NFIA: variants seen among roughly 807,000 people sequenced by gnomAD.
NFIA encodes the protein nuclear factor I A.
Under a neutral mutation model 62.8 loss-of-function variants are expected in NFIA, and 8 were observed. The observed-to-expected ratio is 0.13, with a 90% CI of 0.07 to 0.23. NFIA has a LOEUF of 0.23. Ranked by LOEUF, NFIA falls within the 10% of genes least tolerant of loss-of-function variation. The pLI is 1.00. For missense variants in NFIA, 410 were observed against 642.1 expected (o/e 0.64, Z 3.91); for synonymous variants, 235 against 238.1 (o/e 0.99, Z 0.12).
chr1:61,324,173 T>G (rs1660815846), intron 3 of NFIA, among the ~76,000 whole-genome samples: 1 of 152,166 alleles, frequency 6.6e-6, no homozygotes, highest in Non-Finnish European at 1.5e-5. Flanking sequence ...AAACTTTTCT[T>G]TAGAAGGATG....
chr1:61,088,689 G>A lies in NFIA; in HGVS notation c.559+9G>A, dbSNP rs747357885. 2.5e-6 allele frequency: 4 copies of A among 1,601,250 alleles called. No individual in the cohort carries two copies. Among genetic ancestry groups the A allele is most frequent in the South Asian group, 1.1e-5 (1 of 90,312 alleles). ...CTTTGTGCATGCAGCAGGTAAGTGC[G>A]ATGGTGAGAATTCCTCCCACTTTCT... On this transcript the variant is annotated intron_variant, in intron 2 of 10. Transcript: ENST00000403491. The surrounding 1 kb of genome is among the most constrained non-coding windows in gnomAD (Gnocchi z 4.5).
chr1:61,353,719 A>G (rs1662677410), intron 5 of NFIA, among the ~76,000 whole-genome samples: 1 of 152,224 alleles, frequency 6.6e-6, no homozygotes, highest in Admixed American at 6.5e-5. Flanking sequence ...AATACCTTGA[A>G]GACAGTTAAA....
At chr1:61,398,762 T>C (rs1158796131) in intron 7 of NFIA, among the ~76,000 whole-genome samples, 1 of 152,192 alleles carries the variant, frequency 6.6e-6, no homozygotes, top group Admixed American at 6.5e-5. Context: ...AATAAATCCC[T>C]TAACTCCAAA....
Position 61,406,574 on chromosome 1 carries a change from A to T in NFIA, c.1267A>T (p.Ser423Cys). ...QVGFLNPNGS[S>C]QGKVHNPFLP... The stretch of plus-strand genomic sequence containing the variant: ...CCCCCCCCCACAGCCCAATGGGAGC[A>T]GCCAAGGCAAGGTGCACAACCCATT... The change falls in exon 9 of 11, where the codon AGC becomes TGC. Residue 423 changes from serine (S) to cysteine (C), a missense_variant. Transcript: ENST00000403491. 2 of 913,052 alleles carry T rather than the reference A, an allele frequency of 2.2e-6. No homozygotes were observed. Among genetic ancestry groups the T allele is most frequent in the Non-Finnish European group, 3.2e-6 (2 of 631,102 alleles). The allele number at this position is 913,052 out of a possible 1,614,324, so 56.6% of individuals were successfully genotyped here.
chr1:61,385,122 AG>A (rs1419586505), intron 7 of NFIA, among the ~76,000 whole-genome samples: 1 of 152,132 alleles, frequency 6.6e-6, no homozygotes, highest in Non-Finnish European at 1.5e-5. Flanking sequence ...TGTAAATCCC[AG>A]CTACCTGTGA....
At chr1:61,370,072 G>A (rs1346452294) in intron 6 of NFIA, among the ~76,000 whole-genome samples, 1 of 152,206 alleles carries the variant, frequency 6.6e-6, no homozygotes, top group Non-Finnish European at 1.5e-5. Flanking sequence ...GAAGAAATAA[G>A]TCCTTGGTCT....
intron 3 of NFIA, among the ~76,000 whole-genome samples, chr1:61,317,209 C>A (rs1459378128): frequency 6.6e-6 from 1 of 152,018 alleles, no homozygotes; most frequent in Non-Finnish European, 1.5e-5. Context: ...ATTTTTAATT[C>A]TTTCTCTATA....
At chr1:61,423,410 C>G (rs1231840744) in intron 9 of NFIA, among the ~76,000 whole-genome samples, 1 of 152,148 alleles carries the variant, frequency 6.6e-6, no homozygotes, top group African/African-American at 2.4e-5. Flanking sequence ...TGAACCTCCC[C>G]TCCAGAATGC....
intron 3 of NFIA, among the ~76,000 whole-genome samples, chr1:61,291,189 G>C (rs1658859003): frequency 1.3e-5 from 2 of 152,182 alleles, no homozygotes; most frequent in African/African-American, 2.4e-5. Context: ...GGTTGTTGCA[G>C]GTGCTGCCCG....
At chr1:61,329,381 AT>A (rs58955783) in intron 3 of NFIA, among the ~76,000 whole-genome samples, 16,964 of 119,830 alleles carry the variant, frequency 0.14, 1,396 homozygotes, top group African/African-American at 0.31. Flanking sequence ...TTTTAAAGTA[AT>A]TTTTTTTTTT....
chr1:61,364,545 C>T (rs565943381), intron 6 of NFIA, among the ~76,000 whole-genome samples: 3 of 152,282 alleles, frequency 2.0e-5, no homozygotes, highest in African/African-American at 7.2e-5. Flanking sequence ...GTAAGCAGAA[C>T]AATTGCTTAG....
intron 6 of NFIA, among the ~76,000 whole-genome samples, chr1:61,378,263 G>T (rs1287612224): frequency 6.6e-6 from 1 of 152,012 alleles, no homozygotes; most frequent in Admixed American, 6.5e-5. Context: ...TTTTTCCCAC[G>T]TCACTCAATC....
chr1:61,252,249 G>C (rs1392326409), intron 2 of NFIA, among the ~76,000 whole-genome samples: 1 of 152,102 alleles, frequency 6.6e-6, no homozygotes, highest in African/African-American at 2.4e-5. Context: ...TGATTCCTTT[G>C]GCATGTTGAA....
intron 10 of NFIA, among the ~76,000 whole-genome samples, chr1:61,447,929 G>T (rs757863870): frequency 2.9e-4 from 44 of 152,270 alleles, no homozygotes; most frequent in Admixed American, 7.2e-4. Context: ...ATAAAAAAGA[G>T]CTGTTGATCA....
At chr1:61,367,054 G>A (rs1165321265) in intron 6 of NFIA, among the ~76,000 whole-genome samples, 1 of 152,190 alleles carries the variant, frequency 6.6e-6, no homozygotes, top group Non-Finnish European at 1.5e-5. Context: ...GTCAGTCAGC[G>A]ACCCAGGGCA....
chr1:61,419,877 T>C (rs943801906), intron 9 of NFIA, among the ~76,000 whole-genome samples: 3 of 152,216 alleles, frequency 2.0e-5, no homozygotes, highest in Admixed American at 2.0e-4. Flanking sequence ...GAGGCTTTTA[T>C]TCTGTGCCCT....
At chr1:61,357,995 A>G (rs1013462490) in intron 5 of NFIA, among the ~76,000 whole-genome samples, 2 of 152,052 alleles carry the variant, frequency 1.3e-5, no homozygotes, top group East Asian at 1.9e-4. Flanking sequence ...TGAAGCCTCA[A>G]ACTGGGGAGA....
At chr1:61,387,146 T>G (rs992209137) in intron 7 of NFIA, among the ~76,000 whole-genome samples, 1 of 152,172 alleles carries the variant, frequency 6.6e-6, no homozygotes, top group Non-Finnish European at 1.5e-5. Context: ...TAGCAGTGGT[T>G]AAGCACAAAA....
intron 3 of NFIA, among the ~76,000 whole-genome samples, chr1:61,319,836 C>CACACACACACACA (rs1660580765): frequency 1.4e-5 from 2 of 139,092 alleles, no homozygotes; most frequent in African/African-American, 5.2e-5. Flanking sequence ...CACACACACA[C>CACACACACACACA]CAACTTTCAT....
Sources: allele counts gnomAD v4.1 joint callset (sites outside exome capture counted in the v4.1 genomes callset), GRCh38; gene constraint gnomAD v4.1.1; non-coding constraint Gnocchi (gnomAD v3.1); transcripts MANE v1.5; gene names NCBI Gene and HGNC (gene_info 2026-07-23, HGNC 2026-07-21).